Variants in CNTN5 observed in about 807,000 individuals in gnomAD.
The protein encoded by CNTN5 is contactin 5, also known as contactin-5.
Under a neutral mutation model 129.1 loss-of-function variants are expected in CNTN5, and 77 were observed. The ratio of observed to expected loss-of-function variants is 0.60; its 90% CI spans 0.50 to 0.72. The LOEUF is 0.72. CNTN5 is among the 30% of genes least tolerant of loss of function. The pLI is 0.00. For synonymous variants in CNTN5, 509 were observed against 465.6 expected (o/e 1.09, Z -1.20); for missense variants, 1,478 against 1,328.8 (o/e 1.11, Z -1.75).
chr11:99,063,778 G>C (rs751344676), intron 1 of CNTN5, among the ~76,000 whole-genome samples: 1 of 152,018 alleles, frequency 6.6e-6, no homozygotes, highest in Admixed American at 6.6e-5. Flanking sequence ...TTGCAAAGGG[G>C]TTTTGTTAAG....
chr11:100,148,333 T>C (rs1333789251), intron 13 of CNTN5, among the ~76,000 whole-genome samples: 4 of 152,032 alleles, frequency 2.6e-5, no homozygotes, highest in Non-Finnish European at 5.9e-5. Flanking sequence ...AAAAGGAGAG[T>C]TGCTCTCAGG....
intron 18 of CNTN5, among the ~76,000 whole-genome samples, chr11:100,281,127 C>A (rs1311958407): frequency 6.6e-6 from 1 of 152,032 alleles, no homozygotes; most frequent in African/African-American, 2.4e-5. Context: ...GTTTATACTC[C>A]ACAGTTACAG....
At chr11:99,242,180 A>G (rs970321) in intron 1 of CNTN5, among the ~76,000 whole-genome samples, 14,509 of 152,178 alleles carry the variant, frequency 0.095, 732 homozygotes, top group South Asian at 0.15. Context: ...GGTAGCAAAA[A>G]AATAAATCAC....
intron 13 of CNTN5, among the ~76,000 whole-genome samples, chr11:100,140,522 T>A (rs550140091): frequency 1.3e-5 from 2 of 152,032 alleles, no homozygotes; most frequent in Non-Finnish European, 2.9e-5. Context: ...CAGAAAAGGG[T>A]GAACTAGAAG....
chr11:99,686,833 A>G (rs550803735), intron 3 of CNTN5, among the ~76,000 whole-genome samples: 1 of 152,184 alleles, frequency 6.6e-6, no homozygotes, highest in Non-Finnish European at 1.5e-5. Context: ...GACACAGCTC[A>G]TTGGTTCAGA....
intron 3 of CNTN5, among the ~76,000 whole-genome samples, chr11:99,690,235 T>G (rs927487338): frequency 1.3e-5 from 2 of 152,128 alleles, no homozygotes; most frequent in Non-Finnish European, 2.9e-5. Context: ...GATCAGATGG[T>G]TATTGGTATG....
intron 3 of CNTN5, among the ~76,000 whole-genome samples, chr11:99,704,100 T>C (rs1475138712): frequency 6.6e-6 from 1 of 150,632 alleles, no homozygotes; most frequent in African/African-American, 2.4e-5. Context: ...TACACCCATA[T>C]GCATGTATAT....
At chr11:99,723,057 G>T (rs7942402) in intron 3 of CNTN5, among the ~76,000 whole-genome samples, 94,388 of 151,650 alleles carry the variant, frequency 0.62, 30,027 homozygotes, top group East Asian at 0.84. Context: ...TAGACTCCAT[G>T]GGGATCTACA....
chr11:99,270,805 G>A (rs1408461013), intron 1 of CNTN5, among the ~76,000 whole-genome samples: 12 of 151,968 alleles, frequency 7.9e-5, no homozygotes, highest in Non-Finnish European at 1.2e-4. Context: ...ATACAGCCAT[G>A]GTGGCTCTGT....
intron 15 of CNTN5, among the ~76,000 whole-genome samples, chr11:100,213,593 A>T (rs1163175139): frequency 1.3e-5 from 2 of 152,182 alleles, no homozygotes; most frequent in African/African-American, 4.8e-5. Context: ...CACTTTCAAA[A>T]TGTCAGTTAA....
At chr11:99,540,012 T>C (rs1948043328) in intron 2 of CNTN5, among the ~76,000 whole-genome samples, 1 of 152,172 alleles carries the variant, frequency 6.6e-6, no homozygotes, top group African/African-American at 2.4e-5. Flanking sequence ...AATTTGCCTG[T>C]TACAGATACT....
At chr11:99,528,746 T>A (rs901267221) in intron 2 of CNTN5, among the ~76,000 whole-genome samples, 1 of 152,012 alleles carries the variant, frequency 6.6e-6, no homozygotes, top group Non-Finnish European at 1.5e-5. Flanking sequence ...ATGTCAAAGG[T>A]GACATAAGAA....
chr11:99,997,987 G>T (rs372722660), intron 8 of CNTN5, among the ~76,000 whole-genome samples: 9 of 152,118 alleles, frequency 5.9e-5, no homozygotes, highest in East Asian at 5.8e-4. Context: ...ATAAATTAGG[G>T]ATTGATGGGA....
intron 24 of CNTN5, among the ~76,000 whole-genome samples, chr11:100,353,329 T>A (rs1230797797): frequency 1.3e-5 from 2 of 151,566 alleles, no homozygotes; most frequent in Admixed American, 1.3e-4. Flanking sequence ...GCCTAAGATA[T>A]TGAATGACTT....
chr11:100,319,303 C>A (rs896719526), intron 21 of CNTN5, among the ~76,000 whole-genome samples: 1 of 152,104 alleles, frequency 6.6e-6, no homozygotes, highest in Non-Finnish European at 1.5e-5. Flanking sequence ...CAGGCACGCA[C>A]CACTGTGCCC....
chr11:100,074,368 C>G lies in CNTN5; in HGVS notation c.1580+74C>G, dbSNP rs1232208391. On this transcript the variant is annotated intron_variant, in intron 13 of 24. Coordinates refer to ENST00000524871, the MANE Select transcript of CNTN5 (RefSeq NM_014361.4). ...TTACAGGTGACACACACAAACTATG[C>G]AAGAAAGAGTCTTGCAGTACCGTGA... 4.0e-6 allele frequency: 5 copies of G among 1,239,710 alleles called. No homozygotes were observed. In the Admixed American group the frequency reaches 9.4e-5, roughly 23 times the overall value. 76.8% of individuals were successfully genotyped at this position (1,239,710 alleles called of 1,614,324 possible).
chr11:99,784,488 G>A (rs1335615926), intron 3 of CNTN5, among the ~76,000 whole-genome samples: 2 of 151,652 alleles, frequency 1.3e-5, no homozygotes. Context: ...CCATCCTTGG[G>A]TTGGTTCCAA....
intron 2 of CNTN5, among the ~76,000 whole-genome samples, chr11:99,489,714 C>A (rs1945960303): frequency 6.6e-6 from 1 of 152,008 alleles, no homozygotes; most frequent in Non-Finnish European, 1.5e-5. Flanking sequence ...GTGGAGTCTG[C>A]CAGGAGTTGG....
At chr11:99,980,480 G>A (rs1312906120) in intron 8 of CNTN5, among the ~76,000 whole-genome samples, 2 of 152,114 alleles carry the variant, frequency 1.3e-5, no homozygotes, top group African/African-American at 4.8e-5. Context: ...TACTTACTGT[G>A]GGTACAGCCC....
Sources: allele counts gnomAD v4.1 joint callset (sites outside exome capture counted in the v4.1 genomes callset), GRCh38; gene constraint gnomAD v4.1.1; transcripts MANE v1.5; gene names NCBI Gene and HGNC (gene_info 2026-07-23, HGNC 2026-07-21).